PUM1: variants seen among roughly 807,000 people sequenced by gnomAD.
The protein encoded by PUM1 is pumilio homolog 1.
PUM1 carries 13 observed loss-of-function variants against 131.8 expected under a neutral mutation model. The observed-to-expected ratio is 0.10, with a 90% CI of 0.06 to 0.16. The LOEUF (loss-of-function observed/expected upper bound fraction) is 0.16. Ranked by LOEUF, PUM1 falls within the 10% of genes least tolerant of loss-of-function variation. The pLI, the probability that PUM1 is intolerant of heterozygous loss-of-function variation, is 1.00. For synonymous variants in PUM1, 509 were observed against 556.5 expected (o/e 0.91, Z 1.20); for missense variants, 961 against 1,512.4 (o/e 0.64, Z 6.05).
intron 5 of PUM1, among the ~76,000 whole-genome samples, chr1:30,998,627 TA>T (rs1642072131): frequency 6.6e-6 from 1 of 152,000 alleles, no homozygotes; most frequent in African/African-American, 2.4e-5. Flanking sequence ...CAAGAATAGA[TA>T]AAATAAAGGA....
intron 3 of PUM1, among the ~76,000 whole-genome samples, chr1:31,018,620 C>T (rs1204418052): frequency 6.6e-6 from 1 of 151,906 alleles, no homozygotes; most frequent in Non-Finnish European, 1.5e-5. Context: ...ATCATGGCAC[C>T]GTAATCCAGC....
At chr1:30,934,766 C>A in intron 21 of PUM1, among the ~76,000 whole-genome samples, 1 of 152,196 alleles carries the variant, frequency 6.6e-6, no homozygotes, top group Non-Finnish European at 1.5e-5. Flanking sequence ...GTCCCTGGAA[C>A]TGGCTGCTGA....
chr1:30,936,497 A>G, intron 21 of PUM1, 146 bp downstream of exon 21: 2 of 785,324 alleles, frequency 2.5e-6, no homozygotes, highest in South Asian at 3.8e-5. Flanking sequence ...TGGTGACTCC[A>G]CATAAAAGAA....
intron 2 of PUM1, among the ~76,000 whole-genome samples, chr1:31,038,214 AAGAG>A (rs200134887): frequency 1.6e-4 from 24 of 152,128 alleles, no homozygotes; most frequent in Middle Eastern, 3.4e-3. Flanking sequence ...AAAAAAAAAA[AAGAG>A]AGAGAGAAAT....
intron 14 of PUM1, among the ~76,000 whole-genome samples, chr1:30,963,106 A>T (rs544577276): frequency 6.6e-6 from 1 of 152,336 alleles, no homozygotes; most frequent in South Asian, 2.1e-4. Context: ...GCTAGGCAAG[A>T]TATTTAAGTC....
At chr1:30,966,620 C>T (rs557784786) in intron 12 of PUM1, among the ~76,000 whole-genome samples, 19 of 152,258 alleles carry the variant, frequency 1.2e-4, no homozygotes, top group African/African-American at 4.3e-4. Flanking sequence ...CTTCTAGAAC[C>T]ATGTAATGCA....
At chr1:31,052,648 G>C (rs1048907623) in intron 2 of PUM1, among the ~76,000 whole-genome samples, 3 of 151,384 alleles carry the variant, frequency 2.0e-5, no homozygotes, top group African/African-American at 7.3e-5. Context: ...ATTAGAGGCA[G>C]GAGCCAATGT....
intron 3 of PUM1, among the ~76,000 whole-genome samples, chr1:31,013,354 C>CT (rs2124520871): frequency 6.6e-6 from 1 of 152,274 alleles, no homozygotes; most frequent in African/African-American, 2.4e-5. Context: ...AGCAACTACT[C>CT]TGTACTCAAA....
chr1:31,033,657 C>T (rs1006858167), intron 2 of PUM1, among the ~76,000 whole-genome samples: 1 of 152,020 alleles, frequency 6.6e-6, no homozygotes, highest in East Asian at 1.9e-4. Flanking sequence ...TTAGCCACCA[C>T]GCCCAGCCCA....
intron 5 of PUM1, among the ~76,000 whole-genome samples, chr1:31,004,972 G>A (rs1642347159): frequency 6.6e-6 from 1 of 152,136 alleles, no homozygotes; most frequent in Non-Finnish European, 1.5e-5. Context: ...AAATGTCTTT[G>A]AAAAAGTACA....
intron 2 of PUM1, among the ~76,000 whole-genome samples, chr1:31,038,984 A>ATATATATTTTTTTTT: frequency 4.7e-4 from 23 of 49,412 alleles, no homozygotes; most frequent in African/African-American, 1.0e-3. Context: ...ATATATATAT[A>ATATATATTTTTTTTT]TTTTTTTTTT....
chr1:31,054,174 A>C (rs1644180877), intron 2 of PUM1, among the ~76,000 whole-genome samples: 1 of 151,364 alleles, frequency 6.6e-6, no homozygotes. Context: ...AAAAAATACA[A>C]AGATGAGCTA....
intron 7 of PUM1, among the ~76,000 whole-genome samples, chr1:30,985,888 T>G (rs979789846): frequency 6.6e-6 from 1 of 152,110 alleles, no homozygotes; most frequent in African/African-American, 2.4e-5. Flanking sequence ...AGCCTGAAGC[T>G]AGAAACCAAA....
chr1:31,013,070 G>C (rs547644577), intron 3 of PUM1, among the ~76,000 whole-genome samples: 1 of 152,196 alleles, frequency 6.6e-6, no homozygotes, highest in African/African-American at 2.4e-5. Flanking sequence ...GCAGCCAATA[G>C]ACATCACAAT....
chr1:31,053,542 G>A (rs1000731179), intron 2 of PUM1, among the ~76,000 whole-genome samples: 1 of 147,050 alleles, frequency 6.8e-6, no homozygotes, highest in African/African-American at 2.5e-5. Context: ...GCACAATCTC[G>A]GCTCACTGCA....
intron 7 of PUM1, among the ~76,000 whole-genome samples, chr1:30,986,804 T>C (rs1423223932): frequency 6.6e-6 from 1 of 152,192 alleles, no homozygotes; most frequent in Non-Finnish European, 1.5e-5. Context: ...TGACACTTGA[T>C]AGAATAATCA....
At chr1:31,007,168 C>T in intron 3 of PUM1, 66 bp from the exon 4 acceptor site, 1 of 1,244,966 alleles carries the variant, frequency 8.0e-7, no homozygotes, top group Non-Finnish European at 1.2e-6. Flanking sequence ...GCAGTCAACA[C>T]TTTCTTTTAG....
At chr1:31,022,888 G>T (rs1301461899) in intron 3 of PUM1, among the ~76,000 whole-genome samples, 1 of 152,224 alleles carries the variant, frequency 6.6e-6, no homozygotes. Context: ...CTACATTTTG[G>T]CTGGGCGCAG....
intron 1 of PUM1, chr1:31,061,621 A>G (rs1231301461): frequency 6.6e-6 from 1 of 151,314 alleles, no homozygotes; most frequent in Admixed American, 6.6e-5. Flanking sequence ...TAAATAAAAT[A>G]ATTTTTTTAA....
Sources: allele counts gnomAD v4.1 joint callset (sites outside exome capture counted in the v4.1 genomes callset), GRCh38; gene constraint gnomAD v4.1.1; transcripts MANE v1.5; gene names NCBI Gene and HGNC (gene_info 2026-07-23, HGNC 2026-07-21).